The following PDZD9 variants were observed in gnomAD, a reference collection of about 807,000 sequenced individuals.
PDZD9 encodes the protein PDZ domain containing 9.
A neutral mutation model predicts 16.3 loss-of-function variants in PDZD9; 13 were observed. The ratio of observed to expected loss-of-function variants is 0.80; its 90% CI spans 0.52 to 1.27. The LOEUF (loss-of-function observed/expected upper bound fraction) is 1.27. Among genes scored for constraint, PDZD9 ranks in the 50% most tolerant of loss-of-function variants. The pLI is 0.00. For synonymous variants in PDZD9, 120 were observed against 111.0 expected, an observed-to-expected ratio of 1.08 and a Z score of -0.51; for missense variants, 288 against 310.9, an observed-to-expected ratio of 0.93 and a Z score of 0.55.
chr16:21,996,565 G>T (rs1156561711), intron 1 of PDZD9, 64 bp from the exon 2 acceptor site: 2 of 1,414,232 alleles, frequency 1.4e-6, no homozygotes, highest in Non-Finnish European at 9.5e-7. Context: ...CATACCTACT[G>T]GGGTTCTGAA....
intron 3 of PDZD9, among the ~76,000 whole-genome samples, chr16:21,987,262 A>G (rs1236518344): frequency 6.6e-6 from 1 of 152,160 alleles, no homozygotes; most frequent in African/African-American, 2.4e-5. Flanking sequence ...TCTATTAAAA[A>G]TACAAAAATT....
chr16:21,996,563 C>T, intron 1 of PDZD9, 62 bp from the exon 2 acceptor site: 1 of 1,420,108 alleles, frequency 7.0e-7, no homozygotes, highest in Non-Finnish European at 9.4e-7. Flanking sequence ...GCCATACCTA[C>T]TGGGGTTCTG....
rs776319026 is a variant in PDZD9, at chr16:21,984,563, A to G, written c.499T>C (p.Tyr167His). The G allele has an allele frequency of 2.5e-6, 4 of 1,581,984 alleles. No individual in the cohort carries two copies. Among genetic ancestry groups the G allele is most frequent in the Non-Finnish European group, 3.5e-6 (4 of 1,158,176 alleles). The change falls in exon 4 of 4, where the codon TAT becomes CAT. Residue 167 changes from tyrosine to histidine, a missense_variant. Tyr to His is a moderately conservative substitution (Grantham distance 83). Coordinates refer to ENST00000424898, the MANE Select transcript of PDZD9 (RefSeq NM_001363519.1). ...GGGTGATGCACAGTTGACCACGGAT[A>G]TCTATAATATTGAAGTCTTTTATCT... ...DLDKRLQYYR[Y>H]PWSTVHHPAR...
the PDZD9 span, chr16:21,976,019 T>G: frequency 3.6e-6 from 2 of 551,102 alleles, no homozygotes; most frequent in Middle Eastern, 2.7e-4. Context: ...AAGGAACCCA[T>G]AGTGATGACA....
At chr16:21,979,236 C>T (rs930997270), downstream of PDZD9, among the ~76,000 whole-genome samples, 15 of 152,210 alleles carry the variant, frequency 9.9e-5, 1 homozygote, top group Admixed American at 6.5e-5. Context: ...GGTCTTCACA[C>T]TGTAGCAGCC....
chr16:21,966,567 T>G, the PDZD9 span, among the ~76,000 whole-genome samples: 1 of 152,230 alleles, frequency 6.6e-6, no homozygotes, highest in African/African-American at 2.4e-5. Context: ...TCTCGTTTTA[T>G]TCTTAGTTAG....
the PDZD9 span, chr16:21,957,549 C>T: frequency 2.5e-6 from 4 of 1,614,128 alleles, no homozygotes; most frequent in South Asian, 1.1e-5. Flanking sequence ...CCATTTGCTG[C>T]GTCTTACATC....
the PDZD9 span, chr16:21,976,473 T>TTGC: frequency 2.4e-6 from 1 of 410,858 alleles, no homozygotes; most frequent in South Asian, 3.4e-5. Flanking sequence ...AGGTGGTTCA[T>TTGC]TTGAGACCAG....
At chr16:21,963,875 C>G in the PDZD9 span, among the ~76,000 whole-genome samples, 1 of 152,154 alleles carries the variant, frequency 6.6e-6, no homozygotes, top group African/African-American at 2.4e-5. Context: ...TAGCCATCTC[C>G]TCTTTATTGA....
chr16:21,962,113 C>G, the PDZD9 span: 3 of 206,318 alleles, frequency 1.5e-5, no homozygotes, highest in Non-Finnish European at 3.0e-5. Context: ...AACTGCCATT[C>G]TCTTTTCAGT....
At chr16:21,972,014 T>TA in the PDZD9 span, 1 of 1,614,180 alleles carries the variant, frequency 6.2e-7, no homozygotes, top group South Asian at 1.1e-5. Flanking sequence ...CAAATGCATT[T>TA]AGTGTTCTTC....
rs1899150783 is a variant in PDZD9, at chr16:21,996,380, G to C, written c.153C>G (p.Leu51=). ...GLIIIQHGPY[L]QITHLIRKGA... ...CCTTCCTGATGAGGTGGGTGATCTG[G>C]AGGTAGGGTCCATGCTGGATGATGA... The change falls in exon 2 of 4, where the codon CTC becomes CTG. Residue 51 remains leucine, a synonymous_variant. Coordinates refer to ENST00000424898, the MANE Select transcript of PDZD9 (RefSeq NM_001363519.1). 6.5e-7 allele frequency: 1 copy of C among 1,536,102 alleles called. No individual in the cohort carries two copies. The highest frequency in any genetic ancestry group is 8.7e-7 in the Non-Finnish European group (1 of 1,146,882).
At chr16:21,986,105 C>G (rs1407882675) in intron 3 of PDZD9, among the ~76,000 whole-genome samples, 3 of 152,128 alleles carry the variant, frequency 2.0e-5, no homozygotes, top group Non-Finnish European at 2.9e-5. Context: ...ACTTTCTATA[C>G]CACTTGGCCT....
chr16:21,962,505 G>GC, the PDZD9 span: 1 of 1,614,176 alleles, frequency 6.2e-7, no homozygotes, highest in Non-Finnish European at 8.5e-7. Context: ...TGGAATGCCT[G>GC]CGGGGTGATG....
the PDZD9 span, among the ~76,000 whole-genome samples, chr16:21,963,537 C>G: frequency 6.6e-6 from 1 of 152,016 alleles, no homozygotes; most frequent in Non-Finnish European, 1.5e-5. Context: ...GGCACAATCT[C>G]ACTGCAGCCT....
intron 2 of PDZD9, among the ~76,000 whole-genome samples, chr16:21,989,397 A>G (rs1898968877): frequency 1.3e-5 from 2 of 152,160 alleles, no homozygotes; most frequent in South Asian, 4.2e-4. Context: ...AAAAACATTT[A>G]TAATCGGAAC....
rs1597982058 is a variant in PDZD9, at chr16:21,995,167, C to T, written c.211+1155G>A. The stretch of plus-strand genomic sequence containing the variant: ...GATAGCGAGTGAGTTCTTATGAGAT[C>T]TGGTTGTTTAAACGTGTGTAGCACC... On this transcript the variant is annotated intron_variant, in intron 2 of 3. Coordinates refer to ENST00000424898, the MANE Select transcript of PDZD9 (RefSeq NM_001363519.1). The T allele has an allele frequency of 8.9e-6, 4 of 450,758 alleles. 1 individual carries two copies. The highest frequency in any genetic ancestry group is 7.1e-4 in the Middle Eastern group (1 of 1,412). 27.9% of individuals were successfully genotyped at this position (450,758 alleles called of 1,614,324 possible). A position where few individuals can be genotyped will look rare whatever the true frequency, so the allele number is the denominator to read the frequency against.
At chr16:21,969,525 C>CT in the PDZD9 span, among the ~76,000 whole-genome samples, 2 of 152,078 alleles carry the variant, frequency 1.3e-5, no homozygotes, top group Admixed American at 1.3e-4. Flanking sequence ...GAGTGAGACT[C>CT]TGTCTCAAAA....
In PDZD9 at chr16:21,984,676, T is replaced by C; in HGVS notation, c.402-16A>G. 2 of 1,482,870 alleles carry C rather than the reference T, an allele frequency of 1.3e-6. No individual in the cohort carries two copies. Among genetic ancestry groups the C allele is most frequent in the South Asian group, 1.5e-5 (1 of 65,986 alleles). The allele number at this position is 1,482,870 out of a possible 1,614,324, so 91.9% of individuals were successfully genotyped here. Reference sequence around the variant, plus strand: ...CTTTGGTGTGCTGAAATGAAAAGAATAGTGAATAAAATAGATTCTTCATGT... The same window carrying C: ...CTTTGGTGTGCTGAAATGAAAAGAACAGTGAATAAAATAGATTCTTCATGT... On this transcript the variant is annotated splice_polypyrimidine_tract_variant and intron_variant, in intron 3 of 3. Coordinates refer to ENST00000424898, the MANE Select transcript of PDZD9 (RefSeq NM_001363519.1).
Sources: allele counts gnomAD v4.1 joint callset (sites outside exome capture counted in the v4.1 genomes callset), GRCh38; gene constraint gnomAD v4.1.1; transcripts MANE v1.5; gene names NCBI Gene and HGNC (gene_info 2026-07-23, HGNC 2026-07-21).